The following CADM2 variants were observed in gnomAD, a reference collection of about 807,000 sequenced individuals.
CADM2 encodes the protein immunoglobulin superfamily member 4D.
CADM2 carries 12 observed loss-of-function variants against 49.8 expected under a neutral mutation model. The ratio of observed to expected loss-of-function variants is 0.24; its 90% CI spans 0.15 to 0.39. The LOEUF (loss-of-function observed/expected upper bound fraction) is 0.39. Ranked by LOEUF, CADM2 falls within the 10% of genes least tolerant of loss-of-function variation. The probability of loss-of-function intolerance (pLI) is 1.00; values close to 1 mark genes in which losing one functional copy is unlikely to be tolerated. For missense variants in CADM2, 378 were observed against 492.3 expected (o/e 0.77, Z 2.20); for synonymous variants, 214 against 175.4 (o/e 1.22, Z -1.74).
intron 8 of CADM2, among the ~76,000 whole-genome samples, chr3:86,045,057 T>C (rs1472066920): frequency 1.6e-5 from 1 of 62,984 alleles, no homozygotes; most frequent in African/African-American, 6.2e-5. Flanking sequence ...GGGCCTGTCG[T>C]GGGGTGGTGG....
intron 8 of CADM2, among the ~76,000 whole-genome samples, chr3:86,045,210 T>TA (rs371132011): frequency 4.9e-4 from 72 of 147,518 alleles, no homozygotes; most frequent in Middle Eastern, 3.4e-3. Flanking sequence ...CGTATAATAA[T>TA]AAAAAAAAAA....
At chr3:85,085,529 CCT>C (rs1402678001) in intron 1 of CADM2, among the ~76,000 whole-genome samples, 2 of 151,778 alleles carry the variant, frequency 1.3e-5, no homozygotes. Flanking sequence ...TCAGTCGATC[CCT>C]GTTAGTTTAT....
intron 1 of CADM2, among the ~76,000 whole-genome samples, chr3:84,970,221 T>C (rs570027638): frequency 6.6e-6 from 1 of 151,858 alleles, no homozygotes; most frequent in South Asian, 2.1e-4. Flanking sequence ...TTTTAATGTT[T>C]AGTTATTTAT....
At chr3:85,780,238 G>A (rs1477199310) in intron 2 of CADM2, among the ~76,000 whole-genome samples, 4 of 152,154 alleles carry the variant, frequency 2.6e-5, no homozygotes, top group African/African-American at 9.7e-5. Flanking sequence ...AGGGCTGTGC[G>A]TACTGGACAG....
chr3:85,413,552 A>G (rs1237381883), intron 1 of CADM2, among the ~76,000 whole-genome samples: 5 of 152,186 alleles, frequency 3.3e-5, no homozygotes, highest in Non-Finnish European at 7.3e-5. Context: ...GCCTCAGGAA[A>G]CTTACAATCA....
intron 1 of CADM2, among the ~76,000 whole-genome samples, chr3:85,269,706 CA>C (rs967844702): frequency 1.3e-5 from 2 of 151,326 alleles, no homozygotes; most frequent in African/African-American, 4.8e-5. Context: ...GAAAGACAAT[CA>C]AAAGACATAT....
intron 1 of CADM2, among the ~76,000 whole-genome samples, chr3:85,184,039 G>A (rs2040995549): frequency 6.6e-6 from 1 of 152,092 alleles, no homozygotes; most frequent in Non-Finnish European, 1.5e-5. Flanking sequence ...AAGATGTCCA[G>A]AAAACTGTAA....
chr3:85,440,820 A>G (rs2037166511), intron 1 of CADM2, among the ~76,000 whole-genome samples: 1 of 152,086 alleles, frequency 6.6e-6, no homozygotes, highest in Non-Finnish European at 1.5e-5. Flanking sequence ...CCATCTTTAC[A>G]GAAACACAAA....
intron 1 of CADM2, among the ~76,000 whole-genome samples, chr3:85,482,975 T>C (rs1335538125): frequency 6.6e-6 from 1 of 151,652 alleles, no homozygotes; most frequent in African/African-American, 2.4e-5. Flanking sequence ...ATCGGTCCTT[T>C]GATTTTACTC....
intron 1 of CADM2, among the ~76,000 whole-genome samples, chr3:85,637,598 G>A (rs2064543521): frequency 3.8e-5 from 1 of 26,552 alleles, no homozygotes; most frequent in South Asian, 1.5e-3. Flanking sequence ...GACAGAGCGA[G>A]ACTCCGTCTC....
intron 1 of CADM2, among the ~76,000 whole-genome samples, chr3:85,679,273 T>C (rs2065971937): frequency 6.6e-6 from 1 of 151,636 alleles, no homozygotes; most frequent in Non-Finnish European, 1.5e-5. Context: ...AAAATAGGAG[T>C]TCACAAGGCT....
intron 1 of CADM2, among the ~76,000 whole-genome samples, chr3:85,492,112 T>A (rs1308002740): frequency 6.6e-6 from 1 of 152,116 alleles, no homozygotes; most frequent in East Asian, 1.9e-4. Flanking sequence ...AGAAAACAAA[T>A]CCCTATTTTC....
intron 1 of CADM2, among the ~76,000 whole-genome samples, chr3:85,373,990 T>C (rs1344091850): frequency 1.3e-5 from 2 of 152,148 alleles, no homozygotes; most frequent in African/African-American, 4.8e-5. Context: ...CCTGTAGACA[T>C]TTTCCCCATT....
At chr3:85,172,700 T>C (rs558482446) in intron 1 of CADM2, among the ~76,000 whole-genome samples, 5 of 151,876 alleles carry the variant, frequency 3.3e-5, no homozygotes, top group Admixed American at 1.3e-4. Context: ...AAGGTTTTAA[T>C]AGGGAGATTT....
At chr3:85,231,189 A>G (rs1038353919) in intron 1 of CADM2, among the ~76,000 whole-genome samples, 2 of 152,100 alleles carry the variant, frequency 1.3e-5, no homozygotes, top group Non-Finnish European at 2.9e-5. Flanking sequence ...CTATCTACAA[A>G]TAGTCATATT....
intron 1 of CADM2, among the ~76,000 whole-genome samples, chr3:85,006,649 G>T (rs1043949768): frequency 6.6e-6 from 1 of 152,006 alleles, no homozygotes; most frequent in Non-Finnish European, 1.5e-5. Flanking sequence ...TATCTTTCTT[G>T]TAGGGTAGCA....
chr3:85,081,776 G>A (rs2037173558), intron 1 of CADM2, among the ~76,000 whole-genome samples: 1 of 151,946 alleles, frequency 6.6e-6, no homozygotes, highest in Admixed American at 6.6e-5. Flanking sequence ...CTGACACGTG[G>A]GATATTACAA....
At chr3:85,456,533 T>G (rs1457007262) in intron 1 of CADM2, among the ~76,000 whole-genome samples, 1 of 152,206 alleles carries the variant, frequency 6.6e-6, no homozygotes, top group Non-Finnish European at 1.5e-5. Context: ...TTGTTATATG[T>G]TATACATTCA....
rs1374412479 is a variant in CADM2 at position 85,568,535 on chromosome 3, TTTTC to T, written c.62-157973_62-157970del. On this transcript the variant is annotated intron_variant, in intron 1 of 9. Transcript: ENST00000383699. ...TCTTTCCTCCCTCCCTCCCTCTCTC[TTTTC>T]TTTCTTTCTTTCTCTTTCTTTCTTT... Among the ~76,000 whole-genome samples the T allele has an allele frequency of 3.1e-3, 160 of 51,166 alleles. 8 individuals carry two copies. The highest frequency in any genetic ancestry group is 6.3e-3 in the African/African-American group (139 of 22,192). 33.6% of individuals were successfully genotyped at this position (51,166 alleles called of 152,430 possible).
Sources: gnomAD v4.1 joint callset for allele counts (sites outside exome capture counted in the v4.1 genomes callset) on GRCh38, gnomAD v4.1.1 for gene constraint, MANE v1.5 for transcripts, NCBI Gene and HGNC (gene_info 2026-07-23, HGNC 2026-07-21) for gene names.